The following GALNT13 variants were observed in gnomAD, a reference collection of about 807,000 sequenced individuals.
The protein encoded by GALNT13 is UDP-GalNAc:polypeptide N-acetylgalactosaminyltransferase 13.
GALNT13 carries 28 observed loss-of-function variants against 64.2 expected under a neutral mutation model. The observed-to-expected ratio is 0.44, with a 90% CI of 0.32 to 0.60. GALNT13 has a LOEUF of 0.60. Ranked by LOEUF, GALNT13 falls within the 20% of genes least tolerant of loss-of-function variation. The probability of loss-of-function intolerance (pLI) is 0.05; values close to 1 mark genes in which losing one functional copy is unlikely to be tolerated. For missense variants in GALNT13, 577 were observed against 669.8 expected (o/e 0.86, Z 1.53); for synonymous variants, 214 against 224.6 (o/e 0.95, Z 0.42).
At chr2:153,439,735 G>T in the GALNT13 span, among the ~76,000 whole-genome samples, 2 of 152,252 alleles carry the variant, frequency 1.3e-5, no homozygotes, top group East Asian at 3.9e-4. Flanking sequence ...TCTTTGACTA[G>T]GAAAGTGAAT....
chr2:153,444,536 T>C, the GALNT13 span, among the ~76,000 whole-genome samples: 15 of 152,212 alleles, frequency 9.9e-5, no homozygotes, highest in Non-Finnish European at 1.9e-4. Context: ...ATAGGAATAA[T>C]ACTATTTTAT....
chr2:153,587,599 C>G, the GALNT13 span, among the ~76,000 whole-genome samples: 1 of 152,132 alleles, frequency 6.6e-6, no homozygotes, highest in Non-Finnish European at 1.5e-5. Context: ...ACAAGAACAG[C>G]ATGGAAAAGA....
the GALNT13 span, among the ~76,000 whole-genome samples, chr2:153,495,659 C>T: frequency 6.6e-6 from 1 of 152,132 alleles, no homozygotes; most frequent in African/African-American, 2.4e-5. Flanking sequence ...GAAAAGAGAA[C>T]ATACTATTTT....
chr2:154,009,301 C>A (rs1005968771), intron 3 of GALNT13, among the ~76,000 whole-genome samples: 1 of 151,560 alleles, frequency 6.6e-6, no homozygotes, highest in African/African-American at 2.4e-5. Context: ...GTTACTGTAG[C>A]CTTGTAGTAT....
At chr2:153,943,494 T>A (rs1691490863) in intron 2 of GALNT13, among the ~76,000 whole-genome samples, 1 of 94,502 alleles carries the variant, frequency 1.1e-5, no homozygotes, top group South Asian at 5.1e-4. Flanking sequence ...TTTACGTATG[T>A]ATGTATTTTT....
At chr2:154,236,467 G>A (rs935615306) in intron 4 of GALNT13, among the ~76,000 whole-genome samples, 5 of 151,972 alleles carry the variant, frequency 3.3e-5, no homozygotes, top group African/African-American at 1.2e-4. Context: ...TAATTCCAAT[G>A]TCCAGCCAAG....
At chr2:153,971,003 G>A (rs1693699108) in intron 3 of GALNT13, among the ~76,000 whole-genome samples, 1 of 152,174 alleles carries the variant, frequency 6.6e-6, no homozygotes, top group African/African-American at 2.4e-5. Context: ...GAGCACTGGA[G>A]TCACATTGAC....
chr2:154,290,900 AGTTGTTT>A (rs1692579606), intron 8 of GALNT13, among the ~76,000 whole-genome samples: 1 of 149,878 alleles, frequency 6.7e-6, no homozygotes, highest in South Asian at 2.1e-4. Flanking sequence ...GCGCGTCTGG[AGTTGTTT>A]GCTCTTTCCG....
chr2:154,004,591 A>C (rs571988472), intron 3 of GALNT13, among the ~76,000 whole-genome samples: 1 of 152,292 alleles, frequency 6.6e-6, no homozygotes, highest in East Asian at 1.9e-4. Context: ...TTCTTACTAC[A>C]TATTGTAGAT....
At chr2:154,349,870 AT>A (rs1342003629) in intron 9 of GALNT13, among the ~76,000 whole-genome samples, 1 of 152,210 alleles carries the variant, frequency 6.6e-6, no homozygotes, top group Non-Finnish European at 1.5e-5. Context: ...AAGCATGGCA[AT>A]GCTGGATGGA....
chr2:153,785,130 T>C, the GALNT13 span, among the ~76,000 whole-genome samples: 1 of 152,330 alleles, frequency 6.6e-6, no homozygotes, highest in East Asian at 1.9e-4. Context: ...TCTTTGCTGT[T>C]TCTCAGCCTT....
At chr2:154,352,084 T>G (rs1169842857) in intron 9 of GALNT13, among the ~76,000 whole-genome samples, 2 of 152,226 alleles carry the variant, frequency 1.3e-5, no homozygotes, top group Admixed American at 1.3e-4. Flanking sequence ...TTTTAGAGAA[T>G]GTACTTCACA....
Position 154,245,992 on chromosome 2 carries a change from T to A in GALNT13, c.857+10T>A, listed in dbSNP as rs769891991. The A allele has an allele frequency of 5.0e-6, 8 of 1,595,154 alleles. No individual in the cohort carries two copies. Among genetic ancestry groups the A allele is most frequent in the African/African-American group, 4.0e-5 (3 of 74,550 alleles). ...GAACATTACCTGTCAGGTATGTAGA[T>A]CATATCTCTTGAAGATTATGTATAT... On this transcript the variant is annotated intron_variant, in intron 7 of 12. Transcript: ENST00000392825.
the GALNT13 span, among the ~76,000 whole-genome samples, chr2:153,765,646 C>T: frequency 2.0e-5 from 3 of 152,050 alleles, no homozygotes; most frequent in African/African-American, 7.2e-5. Flanking sequence ...GTTGGGAAGG[C>T]ATGATTGTGT....
chr2:153,658,843 G>A, the GALNT13 span, among the ~76,000 whole-genome samples: 2 of 150,900 alleles, frequency 1.3e-5, no homozygotes, highest in East Asian at 3.9e-4. Flanking sequence ...TTTATTCAAT[G>A]TTCAATATTT....
chr2:153,648,468 G>T, the GALNT13 span, among the ~76,000 whole-genome samples: 12 of 152,118 alleles, frequency 7.9e-5, no homozygotes, highest in Non-Finnish European at 1.8e-4. Flanking sequence ...TCCTTCTCCT[G>T]CCTGATTGCC....
At chr2:153,898,580 A>G (rs1166013100) in intron 1 of GALNT13, among the ~76,000 whole-genome samples, 2 of 152,094 alleles carry the variant, frequency 1.3e-5, no homozygotes, top group African/African-American at 4.8e-5. Flanking sequence ...ATGTAAAATT[A>G]TTATATGAGG....
intron 7 of GALNT13, among the ~76,000 whole-genome samples, chr2:154,246,188 A>G (rs972343640): frequency 4.6e-5 from 7 of 152,112 alleles, no homozygotes; most frequent in Admixed American, 4.6e-4. Flanking sequence ...AGTATTGGCA[A>G]AAATGCTAAA....
At chr2:154,403,823 T>C (rs1365656664) in intron 10 of GALNT13, among the ~76,000 whole-genome samples, 1 of 152,176 alleles carries the variant, frequency 6.6e-6, no homozygotes. Flanking sequence ...AGGCCTCCGT[T>C]CTAACAAACA....
Sources: gnomAD v4.1 joint callset for allele counts (sites outside exome capture counted in the v4.1 genomes callset) on GRCh38, gnomAD v4.1.1 for gene constraint, MANE v1.5 for transcripts, NCBI Gene and HGNC (gene_info 2026-07-23, HGNC 2026-07-21) for gene names.